The following PARN variants were observed in gnomAD, a reference collection of about 807,000 sequenced individuals.
The protein encoded by PARN is poly(A)-specific ribonuclease, also known as poly(A)-specific ribonuclease PARN.
A neutral mutation model predicts 102.8 loss-of-function variants in PARN; 71 were observed. That is an observed-to-expected ratio of 0.69 (90% CI 0.57 to 0.84). The LOEUF is 0.84. Among genes scored for constraint, PARN ranks in the 40% least tolerant of loss-of-function variants. PARN has a pLI of 0.00. For missense variants in PARN, 782 were observed against 760.9 expected, an observed-to-expected ratio of 1.03 and a Z score of -0.33; for synonymous variants, 261 against 252.9, an observed-to-expected ratio of 1.03 and a Z score of -0.30.
intron 5 of PARN, among the ~76,000 whole-genome samples, chr16:14,626,615 C>CT (rs994716095): frequency 1.8e-3 from 255 of 144,582 alleles, no homozygotes; most frequent in East Asian, 3.6e-3. Flanking sequence ...TTAATTCATT[C>CT]TTTTTTTTTT....
At chr16:14,599,834 C>T in intron 12 of PARN, 70 bp downstream of exon 12, 2 of 883,946 alleles carry the variant, frequency 2.3e-6, no homozygotes, top group South Asian at 1.5e-5. Context: ...GATTAATCTG[C>T]AATGATAATT....
chr16:14,582,048 G>A (rs1319508591), intron 17 of PARN, 133 bp downstream of exon 17: 10 of 702,238 alleles, frequency 1.4e-5, no homozygotes, highest in Admixed American at 6.6e-5. Context: ...CCAGCCTCCT[G>A]AACATGAGAA....
At chr16:14,482,941 T>C in intron 21 of PARN, 114 bp from the exon 22 acceptor site, 4 of 779,614 alleles carry the variant, frequency 5.1e-6, no homozygotes, top group Non-Finnish European at 7.7e-6. Context: ...AGGCCTGAGG[T>C]CTGACCCTTG....
chr16:14,611,051 G>A (rs1357914868), intron 6 of PARN, among the ~76,000 whole-genome samples: 2 of 152,172 alleles, frequency 1.3e-5, no homozygotes, highest in Non-Finnish European at 2.9e-5. Context: ...TTAGGCACTG[G>A]GGAATGAACA....
intron 22 of PARN, among the ~76,000 whole-genome samples, chr16:14,460,595 G>A (rs778932449): frequency 2.6e-5 from 4 of 152,030 alleles, no homozygotes; most frequent in Non-Finnish European, 5.9e-5. Flanking sequence ...AGAAACTTTC[G>A]TCAAAACATT....
intron 5 of PARN, among the ~76,000 whole-genome samples, chr16:14,618,131 G>A (rs1384892034): frequency 3.9e-5 from 6 of 152,078 alleles, no homozygotes; most frequent in African/African-American, 1.4e-4. Flanking sequence ...AGACCGGCAG[G>A]TCAGAACTTT....
intron 19 of PARN, 99 bp downstream of exon 19, chr16:14,555,555 A>G: frequency 5.6e-6 from 3 of 535,006 alleles, no homozygotes; most frequent in Non-Finnish European, 9.8e-6. Flanking sequence ...CCCAATTTTG[A>G]GTGAAAAAAG....
At chr16:14,454,561 T>C (rs1230672039) in intron 22 of PARN, among the ~76,000 whole-genome samples, 1 of 152,220 alleles carries the variant, frequency 6.6e-6, no homozygotes, top group Non-Finnish European at 1.5e-5. Flanking sequence ...CATTTAGTTC[T>C]ATGAGTCGCT....
intron 23 of PARN, among the ~76,000 whole-genome samples, chr16:14,442,577 C>T (rs765554616): frequency 6.6e-6 from 1 of 152,120 alleles, no homozygotes; most frequent in Non-Finnish European, 1.5e-5. Flanking sequence ...AGACTGGTTA[C>T]TTGGCTTTCC....
At chr16:14,451,245 C>T (rs536730067) in intron 22 of PARN, among the ~76,000 whole-genome samples, 10 of 152,356 alleles carry the variant, frequency 6.6e-5, no homozygotes, top group African/African-American at 2.2e-4. Context: ...TCTCCTCCTG[C>T]TCAACATCAC....
intron 21 of PARN, among the ~76,000 whole-genome samples, chr16:14,524,901 G>A (rs566962837): frequency 1.2e-3 from 185 of 152,232 alleles, no homozygotes; most frequent in African/African-American, 4.1e-3. Flanking sequence ...TGTATATCAA[G>A]ATGAATCTCT....
At chr16:14,572,747 CTT>C (rs1245584901) in intron 18 of PARN, among the ~76,000 whole-genome samples, 1 of 152,212 alleles carries the variant, frequency 6.6e-6, no homozygotes, top group East Asian at 1.9e-4. Context: ...GAAGTAGACA[CTT>C]CACATTTGTT....
At chr16:14,558,652 T>C (rs548663625) in intron 18 of PARN, among the ~76,000 whole-genome samples, 3 of 152,318 alleles carry the variant, frequency 2.0e-5, no homozygotes, top group South Asian at 2.1e-4. Flanking sequence ...CAGTAAATTA[T>C]AGTTCAAAAT....
At chr16:14,472,400 C>T (rs1567302286) in intron 22 of PARN, among the ~76,000 whole-genome samples, 1 of 152,136 alleles carries the variant, frequency 6.6e-6, no homozygotes, top group Non-Finnish European at 1.5e-5. Context: ...TAGCTGAATT[C>T]AGAGGGAGGA....
At chr16:14,579,129 G>A (rs1049325101) in intron 18 of PARN, among the ~76,000 whole-genome samples, 5 of 152,038 alleles carry the variant, frequency 3.3e-5, no homozygotes, top group African/African-American at 1.2e-4. Context: ...TGGGAATACA[G>A]GCTAATTTTT....
intron 22 of PARN, among the ~76,000 whole-genome samples, chr16:14,462,957 G>A (rs1480719790): frequency 1.3e-5 from 2 of 152,184 alleles, no homozygotes; most frequent in Non-Finnish European, 2.9e-5. Flanking sequence ...CCAGTTTACT[G>A]GTTAGAGAAC....
chr16:14,573,824 T>C (rs1468148459), intron 18 of PARN, among the ~76,000 whole-genome samples: 1 of 152,240 alleles, frequency 6.6e-6, no homozygotes, highest in East Asian at 1.9e-4. Context: ...TCTATCATGA[T>C]TGTGAGGCCT....
chr16:14,616,613 G>A (rs1334202922), intron 6 of PARN, among the ~76,000 whole-genome samples: 1 of 152,138 alleles, frequency 6.6e-6, no homozygotes, highest in African/African-American at 2.4e-5. Context: ...GCATGCTGGT[G>A]CACAGCTGTA....
intron 11 of PARN, among the ~76,000 whole-genome samples, chr16:14,603,419 C>A (rs755715164): frequency 6.6e-6 from 1 of 152,046 alleles, no homozygotes; most frequent in Non-Finnish European, 1.5e-5. Flanking sequence ...ACATGCAAAC[C>A]CACTCCTCTC....
Sources: allele counts gnomAD v4.1 joint callset (sites outside exome capture counted in the v4.1 genomes callset), GRCh38; gene constraint gnomAD v4.1.1; transcripts MANE v1.5; gene names NCBI Gene and HGNC (gene_info 2026-07-23, HGNC 2026-07-21).